SLC17A1: variants seen among roughly 807,000 people sequenced by gnomAD.
SLC17A1 encodes sodium-dependent phosphate transport protein 1.
Under a neutral mutation model 53.5 loss-of-function variants are expected in SLC17A1, and 51 were observed. That is an observed-to-expected ratio of 0.95 (90% CI 0.76 to 1.20). SLC17A1 has a LOEUF of 1.20. SLC17A1 is among the 50% of genes most tolerant of loss of function. SLC17A1 has a pLI of 0.00. For missense variants in SLC17A1, 538 were observed against 568.2 expected (o/e 0.95, Z 0.54); for synonymous variants, 179 against 198.8 (o/e 0.90, Z 0.84).
the SLC17A1 span, among the ~76,000 whole-genome samples, chr6:25,746,612 C>T: frequency 6.6e-6 from 1 of 152,150 alleles, no homozygotes; most frequent in Non-Finnish European, 1.5e-5. Context: ...AAATTCTTAT[C>T]ACCACCCTAT....
the SLC17A1 span, chr6:25,773,297 T>C: frequency 6.2e-7 from 1 of 1,613,888 alleles, no homozygotes; most frequent in African/African-American, 1.3e-5. Context: ...GTGCTTGTTG[T>C]CCTCTCTGGT....
At chr6:25,780,185 C>T (rs1763230158), downstream of SLC17A1, 1 of 152,168 alleles carries the variant, frequency 6.6e-6, no homozygotes, top group South Asian at 2.1e-4. Context: ...ATAGCAAAAC[C>T]ATTTCAACAC....
chr6:25,772,715 T>G, the SLC17A1 span, among the ~76,000 whole-genome samples: 2 of 152,146 alleles, frequency 1.3e-5, no homozygotes, highest in Non-Finnish European at 2.9e-5. Flanking sequence ...ATGGAAAGGT[T>G]TAATGATGAA....
the SLC17A1 span, chr6:25,726,118 A>G: frequency 6.6e-7 from 1 of 1,508,780 alleles, no homozygotes; most frequent in South Asian, 1.4e-5. Context: ...CTTTTTACCA[A>G]TGACAACCTT....
chr6:25,745,142 G>C, the SLC17A1 span, among the ~76,000 whole-genome samples: 1 of 152,024 alleles, frequency 6.6e-6, no homozygotes. Context: ...ACTATTGTTG[G>C]CAATAAAATT....
intron 12 of SLC17A1, among the ~76,000 whole-genome samples, chr6:25,787,327 A>T (rs952407030): frequency 3.3e-5 from 4 of 120,398 alleles, no homozygotes; most frequent in East Asian, 2.3e-4. Context: ...TCTCTACTTT[A>T]AAAAAAAAAA....
Position 25,819,694 on chromosome 6 carries a change from C to T in SLC17A1, c.429G>A (p.Gln143=). 2 of 1,614,142 alleles carry T rather than the reference C, an allele frequency of 1.2e-6. No homozygotes were observed. The highest frequency in any genetic ancestry group is 1.7e-6 in the Non-Finnish European group (2 of 1,179,998). ...VAWVVVCRAV[Q]GAAQGIVATA... The stretch of plus-strand genomic sequence containing the variant: ...ATTATTTTAATACCTGGGCTGCTCC[C>T]TGAACTGCTCGACATACAACGACCC... Residue 143 remains glutamine (Q), a synonymous_variant, in exon 4 of 13, where the codon CAG becomes CAA. Transcript: ENST00000244527.
intron 12 of SLC17A1, among the ~76,000 whole-genome samples, chr6:25,789,741 G>A (rs1763461745): frequency 6.6e-6 from 1 of 152,162 alleles, no homozygotes; most frequent in South Asian, 2.1e-4. Context: ...GTCAAGGAAA[G>A]ACTAAGAACA....
intron 12 of SLC17A1, among the ~76,000 whole-genome samples, chr6:25,785,552 C>T (rs1008032055): frequency 3.3e-5 from 5 of 152,046 alleles, no homozygotes; most frequent in East Asian, 1.9e-4. Context: ...ACCTATAAAA[C>T]GGGAGAAACA....
chr6:25,742,017 T>C, the SLC17A1 span, among the ~76,000 whole-genome samples: 1 of 152,180 alleles, frequency 6.6e-6, no homozygotes, highest in African/African-American at 2.4e-5. Context: ...GAGGGAGCAT[T>C]CAAATACTCT....
rs988656754 is a variant in SLC17A1 at position 25,830,623 on chromosome 6, A to T, written c.-50-16T>A. The T allele has an allele frequency of 5.1e-5, 81 of 1,588,576 alleles. No homozygotes were observed. Among genetic ancestry groups the T allele is most frequent in the Admixed American group, 2.7e-4 (16 of 59,918 alleles). ...CCTCCACCCACTGTGAGTGCAAAAC[A>T]CGTTGATGTCAGCATAATGTAGAGA... is the stretch of plus-strand genomic sequence containing the variant. On this transcript the variant is annotated splice_polypyrimidine_tract_variant and intron_variant, in intron 1 of 12. Transcript: ENST00000244527.
rs1310746502 is a variant in SLC17A1, at chr6:25,824,151, AT to A, written c.207+2309del. Reference sequence around the variant, plus strand: ...TTATAAAACTTCTAAAACACAGAAAATTTTTTTTGATCTTGGGTTATGCAAA... The same window carrying A: ...TTATAAAACTTCTAAAACACAGAAAATTTTTTTGATCTTGGGTTATGCAAA... On this transcript the variant is annotated intron_variant, in intron 3 of 12. Transcript: ENST00000244527. 2.6e-5 allele frequency among the ~76,000 whole-genome samples: 4 copies of A among 151,944 alleles called. No homozygotes were observed. The South Asian group carries it at 6.2e-4, about 24-fold the overall frequency.
the SLC17A1 span, chr6:25,770,873 A>G: frequency 7.2e-7 from 1 of 1,386,374 alleles, no homozygotes; most frequent in South Asian, 1.2e-5. Context: ...GAAAGCACAT[A>G]GAGCCCCAAG....
intron 11 of SLC17A1, 125 bp downstream of exon 11, chr6:25,800,765 T>G (rs1763732367): frequency 1.6e-6 from 1 of 619,564 alleles, no homozygotes; most frequent in Non-Finnish European, 2.9e-6. Context: ...CAAATTTATT[T>G]TCATATGATG....
At chr6:25,818,576 C>A (rs754869028) in intron 6 of SLC17A1, among the ~76,000 whole-genome samples, 5 of 152,120 alleles carry the variant, frequency 3.3e-5, no homozygotes, top group Non-Finnish European at 7.4e-5. Flanking sequence ...ATTCACAAAC[C>A]TGAAACCAAG....
In SLC17A1 at chr6:25,812,873, A is replaced by C. The variant is rs749661096; in HGVS notation, c.855T>G (p.Thr285=). 2 of 1,612,618 alleles carry C rather than the reference A, an allele frequency of 1.2e-6. No individual in the cohort carries two copies. Among genetic ancestry groups the C allele is most frequent in the Non-Finnish European group, 1.7e-6 (2 of 1,178,780 alleles). ...GAAGCATGGAGTTGATAAACATTGG[A>C]GTGTATAGTGTCATGATGTTATGTG... ...FWSHNIMTLY[T]PMFINSMLHV... is the part of the protein sequence containing the mutation. The change falls in exon 8 of 13, where the codon ACT becomes ACG. Residue 285 remains threonine (T), a synonymous_variant. Coordinates refer to ENST00000244527, the MANE Select transcript of SLC17A1 (RefSeq NM_005074.5).
At chr6:25,802,973 G>A (rs530790781) in intron 10 of SLC17A1, among the ~76,000 whole-genome samples, 64 of 91,874 alleles carry the variant, frequency 7.0e-4, no homozygotes, top group Non-Finnish European at 1.0e-3. Context: ...TTGAGACGCA[G>A]CCTTGCTCTG....
At chr6:25,741,448 G>A in the SLC17A1 span, among the ~76,000 whole-genome samples, 2 of 150,020 alleles carry the variant, frequency 1.3e-5, no homozygotes, top group Non-Finnish European at 3.0e-5. Context: ...GGCGCAGCGG[G>A]TCACGCCGGT....
chr6:25,808,133 T>C (rs556507163), intron 10 of SLC17A1, among the ~76,000 whole-genome samples: 1 of 152,252 alleles, frequency 6.6e-6, no homozygotes, highest in Non-Finnish European at 1.5e-5. Flanking sequence ...CATCTATTAT[T>C]ATTTTGTTTT....
Sources: gnomAD v4.1 joint callset for allele counts (sites outside exome capture counted in the v4.1 genomes callset) on GRCh38, gnomAD v4.1.1 for gene constraint, MANE v1.5 for transcripts, NCBI Gene and HGNC (gene_info 2026-07-23, HGNC 2026-07-21) for gene names.